CCNF: variants seen among roughly 807,000 people sequenced by gnomAD.
CCNF encodes cyclin F.
In CCNF, 30 loss-of-function variants were observed where a neutral mutation model predicts 85.4. The observed-to-expected ratio is 0.35, with a 90% CI of 0.26 to 0.48. The LOEUF (loss-of-function observed/expected upper bound fraction) is 0.48, where lower values mean the gene tolerates loss of function less well. Among genes scored for constraint, CCNF ranks in the 20% least tolerant of loss-of-function variants. The pLI is 0.99. For missense variants in CCNF, 919 were observed against 1,010.4 expected (o/e 0.91, Z 1.23); for synonymous variants, 439 against 425.1 (o/e 1.03, Z -0.40).
Position 2,453,484 on chromosome 16 carries a change from C to T in CCNF, c.1662C>T (p.Ser554=). The T allele has an allele frequency of 1.2e-6, 2 of 1,614,096 alleles. No individual in the cohort carries two copies. The highest frequency in any genetic ancestry group is 1.3e-5 in the African/African-American group (1 of 75,042). Residue 554 remains serine, a synonymous_variant, in exon 15 of 17, where the codon AGC becomes AGT. Transcript: ENST00000397066. This position sits in a 1 kb window ranked among gnomAD's most constrained non-coding sequence, Gnocchi z 5.6. ...QDSPDPPTFL[S]TGEIHAFLSS... ...GCCCCGACCCCCCGACTTTCCTCAG[C>T]ACAGGGGAGATCCACGCCTTCCTCA...
At chr16:2,431,027 G>A (rs2065259504) in intron 1 of CCNF, 103 bp from the exon 2 acceptor site, 1 of 1,184,178 alleles carries the variant, frequency 8.4e-7, no homozygotes, top group South Asian at 1.2e-5. Flanking sequence ...GTAACCATTA[G>A]ATCATCTTCA....
At chr16:2,440,324 A>T (rs1428642723) in intron 8 of CCNF, among the ~76,000 whole-genome samples, 3 of 152,142 alleles carry the variant, frequency 2.0e-5, no homozygotes, top group Non-Finnish European at 4.4e-5. Flanking sequence ...CACAGCTATA[A>T]ATAAGTTGTT....
At chr16:2,455,750 C>T (rs2065423889) in intron 16 of CCNF, among the ~76,000 whole-genome samples, 186 bp downstream of exon 16, 1 of 152,100 alleles carries the variant, frequency 6.6e-6, no homozygotes, top group Non-Finnish European at 1.5e-5. Flanking sequence ...GGGGAGAGCC[C>T]CCAAAAGACC....
intron 10 of CCNF, among the ~76,000 whole-genome samples, chr16:2,447,642 T>C (rs1347643963): frequency 1.3e-5 from 2 of 152,022 alleles, no homozygotes; most frequent in African/African-American, 2.4e-5. Context: ...TCCCATCTAC[T>C]TGGGAGGCTG....
chr16:2,449,042 G>GCGGC, intron 11 of CCNF, 64 bp downstream of exon 11: 1 of 683,622 alleles, frequency 1.5e-6, no homozygotes, highest in Non-Finnish European at 2.7e-6. Context: ...GTGGGGGTGG[G>GCGGC]CATTCAGCTT....
intron 4 of CCNF, chr16:2,436,791 C>T: frequency 4.8e-6 from 1 of 206,494 alleles, no homozygotes; most frequent in Non-Finnish European, 9.6e-6. Flanking sequence ...CACCCCTGCC[C>T]TGGACCCATT....
rs1458211751 is a variant in CCNF at position 2,445,642 on chromosome 16, C to T, written c.1094+20C>T. The T allele has an allele frequency of 1.9e-6, 3 of 1,607,310 alleles. No homozygotes were observed. The highest frequency in any genetic ancestry group is 1.1e-5 in the South Asian group (1 of 90,838). ...CACCCGGTGAGAAGCCCCCTTGGCC[C>T]AGCTGGCAGGGACGTGCTGGCCTTT... On this transcript the variant is annotated intron_variant, in intron 10 of 16. Transcript: ENST00000397066.
rs930426163 is a variant in CCNF, at chr16:2,453,869, C to T, written c.1715+332C>T. Among the ~76,000 whole-genome samples the T allele has an allele frequency of 6.6e-6, 1 of 152,204 alleles. No individual in the cohort carries two copies. Among genetic ancestry groups the T allele is most frequent in the Non-Finnish European group, 1.5e-5 (1 of 68,030 alleles). On this transcript the variant is annotated intron_variant, in intron 15 of 16. Coordinates refer to ENST00000397066, the MANE Select transcript of CCNF (RefSeq NM_001761.3). This position sits in a 1 kb window ranked among gnomAD's most constrained non-coding sequence, Gnocchi z 5.6. ...CATGCGCGTCCTGGACTTCTCTGCT[C>T]CATGATGCTGCTGTCACTCCCGGCA...
chr16:2,442,427 AT>A (rs1408551617), intron 8 of CCNF, among the ~76,000 whole-genome samples: 1 of 23,332 alleles, frequency 4.3e-5, no homozygotes, highest in Non-Finnish European at 5.7e-5. Flanking sequence ...ATAATATAAT[AT>A]TATTATATAT....
intron 5 of CCNF, 138 bp from the exon 6 acceptor site, chr16:2,437,932 C>G: frequency 1.1e-5 from 6 of 538,190 alleles, no homozygotes; most frequent in Admixed American, 3.0e-5. Flanking sequence ...AGACTGAAAT[C>G]TGGGAGTGGC....
intron 8 of CCNF, among the ~76,000 whole-genome samples, chr16:2,442,164 G>A (rs1308646078): frequency 1.4e-5 from 2 of 143,014 alleles, no homozygotes; most frequent in African/African-American, 5.1e-5. Context: ...GCACCACCAC[G>A]CCCAGCTAAA....
rs1218690985 is a variant in CCNF, at chr16:2,456,677, T to A, written c.2018T>A (p.Leu673Gln). 1 of 1,613,460 alleles carries A rather than the reference T, an allele frequency of 6.2e-7. No individual in the cohort carries two copies. The highest frequency in any genetic ancestry group is 1.7e-5 in the Admixed American group (1 of 59,982). Residue 673 changes from leucine (L) to glutamine (Q), a missense_variant, in exon 17 of 17, where the codon CTG becomes CAG. Physicochemically the swap from Leu to Gln is moderately radical, Grantham distance 113. Around this residue, in one of 3 missense-constraint regions of CCNF, gnomAD observed 505 missense variants for 514.8 expected, o/e 0.98. Coordinates refer to ENST00000397066, the MANE Select transcript of CCNF (RefSeq NM_001761.3). This position sits in a 1 kb window ranked among gnomAD's most constrained non-coding sequence, Gnocchi z 4.5. ...CCCCAGGACCCACAGGCACTGGCGCTGGACACCCAGATCCCTGCAACCCCT... is the reference window on the plus strand; with the variant it reads ...CCCCAGGACCCACAGGCACTGGCGCAGGACACCCAGATCCCTGCAACCCCT... ...KGPQDPQALALDTQIPATPGP... is the reference protein window; with the variant it reads ...KGPQDPQALAQDTQIPATPGP...
chr16:2,436,284 C>G (rs894916422), intron 4 of CCNF: 1 of 158,274 alleles, frequency 6.3e-6, no homozygotes, highest in Non-Finnish European at 1.4e-5. Flanking sequence ...AGCCAGGCTT[C>G]TAAACGGGAA....
At chr16:2,440,634 C>T (rs184325082) in intron 8 of CCNF, among the ~76,000 whole-genome samples, 60 of 152,230 alleles carry the variant, frequency 3.9e-4, no homozygotes, top group African/African-American at 1.2e-3. Flanking sequence ...AAAGAAAGCT[C>T]CTATTTGCCA....
At chr16:2,431,107 G>T in intron 1 of CCNF, 23 bp from the exon 2 acceptor site, 4 of 1,611,660 alleles carry the variant, frequency 2.5e-6, no homozygotes, top group Non-Finnish European at 3.4e-6. Context: ...TCTTATCAAG[G>T]CTTCTGTCTT....
chr16:2,445,477 C>T lies in CCNF; in HGVS notation c.949C>T (p.Leu317=). The T allele has an allele frequency of 6.2e-7, 1 of 1,614,072 alleles. No individual in the cohort carries two copies. Among genetic ancestry groups the T allele is most frequent in the Non-Finnish European group, 8.5e-7 (1 of 1,180,034 alleles). ...DTMRYILIDW[L]VEVATMKDFT... ...CCGCAGGTACATTCTGATCGACTGGCTGGTGGAAGTTGCCACCATGAAGGA... is the reference window on the plus strand; with the variant it reads ...CCGCAGGTACATTCTGATCGACTGGTTGGTGGAAGTTGCCACCATGAAGGA... Residue 317 remains leucine (L), a synonymous_variant, in exon 10 of 17, where the codon CTG becomes TTG. Coordinates refer to ENST00000397066, the MANE Select transcript of CCNF (RefSeq NM_001761.3).
At chr16:2,443,224 T>A (rs2065342506) in intron 8 of CCNF, among the ~76,000 whole-genome samples, 1 of 145,694 alleles carries the variant, frequency 6.9e-6, no homozygotes, top group Non-Finnish European at 1.5e-5. Flanking sequence ...GGCTAGCTGG[T>A]AACTTCTGAA....
At chr16:2,447,075 C>T (rs900673839) in intron 10 of CCNF, among the ~76,000 whole-genome samples, 15 of 152,136 alleles carry the variant, frequency 9.9e-5, no homozygotes, top group Admixed American at 2.6e-4. Flanking sequence ...GTCGGGCGGC[C>T]GCCTCCCTGG....
chr16:2,453,172 G>T lies in CCNF; in HGVS notation c.1488-38G>T. Reference sequence around the variant, plus strand: ...AACTGAAGCTAAAAATGGGGTGGGGGTGCCTCACATGTCCACTCCACGTGA... The same window carrying T: ...AACTGAAGCTAAAAATGGGGTGGGGTTGCCTCACATGTCCACTCCACGTGA... On this transcript the variant is annotated intron_variant, in intron 13 of 16. Transcript: ENST00000397066. This position sits in a 1 kb window ranked among gnomAD's most constrained non-coding sequence, Gnocchi z 5.6. 1 of 1,562,040 alleles carries T rather than the reference G, an allele frequency of 6.4e-7. No individual in the cohort carries two copies. Among genetic ancestry groups the T allele is most frequent in the Non-Finnish European group, 8.8e-7 (1 of 1,133,362 alleles).
Sources: gnomAD v4.1 joint callset for allele counts (sites outside exome capture counted in the v4.1 genomes callset) on GRCh38, gnomAD v4.1.1 for gene constraint, gnomAD v4.1.1 regional missense constraint, Gnocchi (gnomAD v3.1) non-coding constraint, MANE v1.5 for transcripts, NCBI Gene and HGNC (gene_info 2026-07-23, HGNC 2026-07-21) for gene names.